Variants in STIM2 observed in about 807,000 individuals in gnomAD.
STIM2 encodes the protein stromal interaction molecule 2.
In STIM2, 31 loss-of-function variants were observed where a neutral mutation model predicts 85.8. That is an observed-to-expected ratio of 0.36 (90% confidence interval 0.27 to 0.49). STIM2 has a LOEUF of 0.49. Ranked by LOEUF, STIM2 falls within the 20% of genes least tolerant of loss-of-function variation. The pLI is 0.98. For missense variants in STIM2, 841 were observed against 927.6 expected, an observed-to-expected ratio of 0.91 and a Z score of 1.21; for synonymous variants, 356 against 331.1, an observed-to-expected ratio of 1.08 and a Z score of -0.82.
At chr4:26,983,429 G>T (rs1393650775) in intron 3 of STIM2, among the ~76,000 whole-genome samples, 3 of 152,172 alleles carry the variant, frequency 2.0e-5, no homozygotes, top group Non-Finnish European at 4.4e-5. Flanking sequence ...TGAAGGCCAA[G>T]TTGGAAAATG....
At chr4:26,871,875 C>A (rs1722630632) in intron 1 of STIM2, among the ~76,000 whole-genome samples, 1 of 152,112 alleles carries the variant, frequency 6.6e-6, no homozygotes, top group South Asian at 2.1e-4. Context: ...TGATGAAGAG[C>A]ATAGCCTCTA....
intron 2 of STIM2, among the ~76,000 whole-genome samples, chr4:26,939,488 A>G (rs964968384): frequency 6.6e-6 from 1 of 152,192 alleles, no homozygotes; most frequent in African/African-American, 2.4e-5. Context: ...GATAAAGATA[A>G]CTTTTTAAAA....
chr4:26,918,493 T>C (rs1385559988), intron 1 of STIM2, among the ~76,000 whole-genome samples: 1 of 152,182 alleles, frequency 6.6e-6, no homozygotes, highest in Non-Finnish European at 1.5e-5. Context: ...ATAACTAAGC[T>C]GTGGCTAACC....
chr4:26,970,966 T>C (rs533770978), intron 3 of STIM2, among the ~76,000 whole-genome samples: 1 of 152,310 alleles, frequency 6.6e-6, no homozygotes, highest in South Asian at 2.1e-4. Context: ...CTCATTGTGG[T>C]TTTAATTTGC....
chr4:27,008,976 C>T lies in STIM2; in HGVS notation c.1463C>T (p.Thr488Ile), dbSNP rs1435151450. The change falls in exon 10 of 12, where the codon ACA (threonine) becomes ATA (isoleucine). Residue 488 changes from threonine to isoleucine, a missense_variant. Thr to Ile is a moderately conservative substitution (Grantham distance 89, BLOSUM62 -1). Around this residue, in one of 3 missense-constraint regions of STIM2, gnomAD observed 408 missense variants for 525.4 expected, o/e 0.78. Transcript: ENST00000467087. ...GGAGTTGATGACTTAGATGAAGACA[C>T]ACCCCCAATAGTGTCACAATTTCCC... 1.2e-6 allele frequency: 2 copies of T among 1,614,038 alleles called. No homozygotes were observed. Among genetic ancestry groups the T allele is most frequent in the Non-Finnish European group, 8.5e-7 (1 of 1,179,982 alleles).
intron 3 of STIM2, among the ~76,000 whole-genome samples, chr4:26,958,081 A>C (rs908418037): frequency 6.6e-6 from 1 of 152,136 alleles, no homozygotes; most frequent in Non-Finnish European, 1.5e-5. Flanking sequence ...GTTGTGGAGA[A>C]TAGTTCCTAA....
intron 2 of STIM2, among the ~76,000 whole-genome samples, chr4:26,951,824 T>C (rs1460367548): frequency 6.6e-6 from 1 of 152,170 alleles, no homozygotes; most frequent in African/African-American, 2.4e-5. Context: ...TGTTAACTTA[T>C]GTGATTGTGT....
At chr4:26,892,452 A>G (rs927905391) in intron 1 of STIM2, among the ~76,000 whole-genome samples, 1 of 152,092 alleles carries the variant, frequency 6.6e-6, no homozygotes, top group Non-Finnish European at 1.5e-5. Context: ...CGCCACCCTC[A>G]TGACTGACAG....
intron 2 of STIM2, among the ~76,000 whole-genome samples, chr4:26,920,002 C>T (rs772959237): frequency 4.6e-5 from 7 of 152,172 alleles, no homozygotes; most frequent in African/African-American, 9.7e-5. Flanking sequence ...TCACTGGCCC[C>T]AGCTGAGCAG....
chr4:26,992,221 A>G lies in STIM2; in HGVS notation c.398-3158A>G, dbSNP rs1424097099. Among the ~76,000 whole-genome samples, 4 of 152,184 alleles carry G rather than the reference A, an allele frequency of 2.6e-5. No individual in the cohort carries two copies. In the East Asian group the frequency reaches 7.7e-4, roughly 29 times the overall value. ...TAAAATGTAAAATTAGATTTTCATA[A>G]GACTTATTAATTAAACATGTTCTAC... is the stretch of plus-strand genomic sequence containing the variant. On this transcript the variant is annotated intron_variant, in intron 3 of 11. Transcript: ENST00000467087.
intron 1 of STIM2, among the ~76,000 whole-genome samples, chr4:26,901,440 T>G (rs1723916724): frequency 6.6e-6 from 1 of 152,210 alleles, no homozygotes; most frequent in African/African-American, 2.4e-5. Flanking sequence ...TTTTAGCTGT[T>G]TTATAGGCTT....
chr4:26,862,189 T>C (rs964306654), intron 1 of STIM2, among the ~76,000 whole-genome samples: 6 of 152,204 alleles, frequency 3.9e-5, no homozygotes, highest in African/African-American at 1.4e-4. Flanking sequence ...TAAGGTTAAG[T>C]GCAGAATTGT....
At chr4:27,005,226 A>G (rs1380550623) in intron 7 of STIM2, among the ~76,000 whole-genome samples, 1 of 152,154 alleles carries the variant, frequency 6.6e-6, no homozygotes. Flanking sequence ...ATATAGTGTT[A>G]TTTTTCCTAG....
At chr4:26,990,803 C>T (rs966757605) in intron 3 of STIM2, among the ~76,000 whole-genome samples, 18 of 151,908 alleles carry the variant, frequency 1.2e-4, no homozygotes, top group Non-Finnish European at 2.1e-4. Flanking sequence ...TAAAGACATA[C>T]CAGTGGCCCA....
At chr4:26,916,660 C>T (rs56810203) in intron 1 of STIM2, among the ~76,000 whole-genome samples, 4,361 of 152,172 alleles carry the variant, frequency 0.029, 128 homozygotes, top group African/African-American at 0.079. Context: ...GCAGTCTCTA[C>T]CTGATCTTCT....
intron 1 of STIM2, chr4:26,873,583 T>C (rs1722708487): frequency 2.2e-6 from 1 of 458,706 alleles, no homozygotes; most frequent in Non-Finnish European, 4.1e-6. Context: ...ACAGACATAC[T>C]GGGTGTGAAG....
intron 1 of STIM2, among the ~76,000 whole-genome samples, chr4:26,917,408 C>G (rs1724623957): frequency 6.6e-6 from 1 of 151,956 alleles, no homozygotes; most frequent in Non-Finnish European, 1.5e-5. Flanking sequence ...TTGGTAGGTG[C>G]TCATTAGATA....
At chr4:26,980,837 G>C (rs1449128566) in intron 3 of STIM2, among the ~76,000 whole-genome samples, 2 of 151,978 alleles carry the variant, frequency 1.3e-5, no homozygotes, top group African/African-American at 4.8e-5. Context: ...TAATTTTTTT[G>C]CTAGATAAAC....
chr4:27,016,641 T>G (rs1007675163), intron 10 of STIM2, among the ~76,000 whole-genome samples: 4 of 152,162 alleles, frequency 2.6e-5, no homozygotes, highest in African/African-American at 9.7e-5. Context: ...TAAAATAAAT[T>G]TGCTTGCTAA....
Sources: allele counts gnomAD v4.1 joint callset (sites outside exome capture counted in the v4.1 genomes callset), GRCh38; gene constraint gnomAD v4.1.1; regional missense constraint gnomAD v4.1.1; transcripts MANE v1.5; gene names NCBI Gene and HGNC (gene_info 2026-07-23, HGNC 2026-07-21).